Variants in ING2 observed in about 807,000 individuals in gnomAD.
The protein encoded by ING2 is inhibitor of growth protein 2.
A neutral mutation model predicts 30.6 loss-of-function variants in ING2; 7 were observed. The observed-to-expected ratio is 0.23, with a 90% confidence interval of 0.13 to 0.43. The LOEUF is 0.43. Ranked by LOEUF, ING2 falls within the 20% of genes least tolerant of loss-of-function variation. The probability of loss-of-function intolerance (pLI) is 1.00; values close to 1 mark genes in which losing one functional copy is unlikely to be tolerated. For missense variants in ING2, 239 were observed against 334.9 expected, an observed-to-expected ratio of 0.71 and a Z score of 2.24; for synonymous variants, 136 against 121.7, an observed-to-expected ratio of 1.12 and a Z score of -0.78.
At chr4:183,509,750 T>G (rs1439730416) in intron 1 of ING2, among the ~76,000 whole-genome samples, 2 of 147,184 alleles carry the variant, frequency 1.4e-5, no homozygotes, top group Admixed American at 6.8e-5. Context: ...TTTTTTTTTT[T>G]TGAGATGGAG....
intron 1 of ING2, 98 bp from the exon 2 acceptor site, chr4:183,510,184 T>A (rs556738110): frequency 1.7e-5 from 14 of 846,244 alleles, no homozygotes; most frequent in Non-Finnish European, 2.6e-5. Flanking sequence ...GTTTCATGGT[T>A]TGAGTTCTAA....
rs557124267 is a variant in ING2, at chr4:183,512,303, A to C, written c.*1351A>C. Among the ~76,000 whole-genome samples the C allele has an allele frequency of 4.6e-5, 7 of 152,012 alleles. No homozygotes were observed. The highest frequency in any genetic ancestry group is 6.5e-5 in the Admixed American group (1 of 15,270). Reference sequence around the variant, plus strand: ...GTGTGACTTTTAGGCATGTCATTTCACCTTGTCTGGGTGTCAGGTCATTCA... The same window carrying C: ...GTGTGACTTTTAGGCATGTCATTTCCCCTTGTCTGGGTGTCAGGTCATTCA... On this transcript the variant is annotated 3_prime_UTR_variant, in exon 2 of 2. Coordinates refer to ENST00000302327, the MANE Select transcript of ING2 (RefSeq NM_001564.4).
At chr4:183,506,952 A>G (rs1022592871) in intron 1 of ING2, among the ~76,000 whole-genome samples, 35 of 152,352 alleles carry the variant, frequency 2.3e-4, no homozygotes, top group African/African-American at 8.4e-4. Context: ...TTGTTTTCAA[A>G]CAATTTAAGT....
At chr4:183,505,390 CCT>C in intron 1 of ING2, 23 bp downstream of exon 1, 1 of 1,509,146 alleles carries the variant, frequency 6.6e-7, no homozygotes, top group South Asian at 1.2e-5. Flanking sequence ...GGGCTGCCGG[CCT>C]CGGGAGCCGG....
chr4:183,506,019 G>A, intron 1 of ING2: 1 of 937,116 alleles, frequency 1.1e-6, no homozygotes, highest in Non-Finnish European at 1.4e-6. Context: ...GAGGAAGAGA[G>A]GGGCGTGTGT....
At position 183,505,348 on chromosome 4, in the gene ING2, G is replaced by C; in HGVS notation, c.153G>C (p.Glu51Asp). The change falls in exon 1 of 2, where the codon GAG becomes GAC. Residue 51 changes from glutamate to aspartate, a missense_variant. By Grantham distance (45) the Glu-to-Asp change is conservative. This residue lies in a region of ING2 where 80 missense variants were observed against 102.4 expected (regional missense o/e 0.78). Transcript: ENST00000302327. Reference protein sequence around the residue: ...DMQRNVSVLRELDNKYQETLK... With the variant: ...DMQRNVSVLRDLDNKYQETLK... The stretch of plus-strand genomic sequence containing the variant: ...AGAGGAACGTGTCTGTGCTGCGAGA[G>C]CTGGACAACAAATATCAAGGTAGGA... 2 of 1,540,598 alleles carry C rather than the reference G, an allele frequency of 1.3e-6. No individual in the cohort carries two copies. Among genetic ancestry groups the C allele is most frequent in the Non-Finnish European group, 1.8e-6 (2 of 1,142,836 alleles).
At position 183,510,480 on chromosome 4, in the gene ING2, G is replaced by A. The variant is rs1235732904; in HGVS notation, c.371G>A (p.Cys124Tyr). The change falls in exon 2 of 2, where the codon TGT becomes TAT. Residue 124 changes from cysteine to tyrosine, a missense_variant. Physicochemically the swap from Cys to Tyr is radical, Grantham distance 194. Coordinates refer to ENST00000302327, the MANE Select transcript of ING2 (RefSeq NM_001564.4). ...RARQMELHSQ[C>Y]FQDPAESERA... ...AGACAAATGGAGTTACACTCACAGT[G>A]TTTCCAAGATCCTGCTGAAAGTGAA... 1 of 1,614,028 alleles carries A rather than the reference G, an allele frequency of 6.2e-7. No homozygotes were observed. The highest frequency in any genetic ancestry group is 8.5e-7 in the Non-Finnish European group (1 of 1,180,036).
intron 1 of ING2, among the ~76,000 whole-genome samples, chr4:183,506,665 C>T (rs1469471423): frequency 6.6e-6 from 1 of 151,922 alleles, no homozygotes; most frequent in Non-Finnish European, 1.5e-5. Flanking sequence ...GCCAGTAATC[C>T]TATACTTTAA....
chr4:183,506,298 C>G (rs750039089), intron 1 of ING2: 4 of 1,304,246 alleles, frequency 3.1e-6, no homozygotes, highest in Non-Finnish European at 4.0e-6. Flanking sequence ...CAGCTCGGAC[C>G]GTCGCGGATC....
chr4:183,507,143 T>C (rs1310956572), intron 1 of ING2, among the ~76,000 whole-genome samples: 1 of 152,208 alleles, frequency 6.6e-6, no homozygotes, highest in Non-Finnish European at 1.5e-5. Flanking sequence ...CTCTGTCCCC[T>C]AGGCTGGAGT....
chr4:183,510,865 A>T lies in ING2; in HGVS notation c.756A>T (p.Lys252Asn). The stretch of plus-strand genomic sequence containing the variant: ...CACTTACCTATAAACCAAAGGGGAA[A>T]TGGTATTGCCCAAAGTGCAGGGGAG... ...CVSLTYKPKG[K>N]WYCPKCRGDN... The change falls in exon 2 of 2, where the codon AAA becomes AAT. Residue 252 changes from lysine (K) to asparagine (N), a missense_variant. Lys to Asn is a moderately conservative substitution (Grantham distance 94). This residue lies in a region of ING2 where 22 missense variants were observed against 77.0 expected (regional missense o/e 0.29). Transcript: ENST00000302327. The T allele has an allele frequency of 6.2e-7, 1 of 1,614,204 alleles. No homozygotes were observed. Among genetic ancestry groups the T allele is most frequent in the Non-Finnish European group, 8.5e-7 (1 of 1,180,038 alleles).
rs771210792 is a variant in ING2, at chr4:183,505,383, C to G, written c.172+16C>G. 1,363 of 1,513,318 alleles carry G rather than the reference C, an allele frequency of 9.0e-4. 5 individuals carry two copies. The highest frequency in any genetic ancestry group is 2.6e-3 in the Middle Eastern group (11 of 4,306). The allele number at this position is 1,513,318 out of a possible 1,614,324, so 93.7% of individuals were successfully genotyped here. ...AAATATCAAGGTAGGAGCCGCGGGGCTGCCGGCCTCGGGAGCCGGTGGCGG... is the reference window on the plus strand; with the variant it reads ...AAATATCAAGGTAGGAGCCGCGGGGGTGCCGGCCTCGGGAGCCGGTGGCGG... On this transcript the variant is annotated intron_variant, in intron 1 of 1. Coordinates refer to ENST00000302327, the MANE Select transcript of ING2 (RefSeq NM_001564.4).
Position 183,505,260 on chromosome 4 carries a change from G to A in ING2, c.65G>A (p.Arg22Gln), listed in dbSNP as rs1478710688. 4 of 1,592,948 alleles carry A rather than the reference G, an allele frequency of 2.5e-6. No homozygotes were observed. The highest frequency in any genetic ancestry group is 3.4e-6 in the Non-Finnish European group (4 of 1,170,934). Residue 22 changes from arginine to glutamine, a missense_variant, in exon 1 of 2, where the codon CGG (arginine) becomes CAG (glutamine). Physicochemically the swap from Arg to Gln is conservative, Grantham distance 43. Around this residue, in one of 5 missense-constraint regions of ING2, gnomAD observed 80 missense variants for 102.4 expected, o/e 0.78. Transcript: ENST00000302327. The part of the protein sequence containing the change: ...SAALLTGERS[R>Q]LLTCYVQDYL... ...GCGCTCCTGACCGGGGAGCGGAGCC[G>A]GCTGCTCACCTGCTACGTGCAGGAC...
chr4:183,511,831 T>C lies in ING2; in HGVS notation c.*879T>C, dbSNP rs1734827878. 6.6e-6 allele frequency among the ~76,000 whole-genome samples: 1 copy of C among 152,234 alleles called. No homozygotes were observed. Among genetic ancestry groups the C allele is most frequent in the Non-Finnish European group, 1.5e-5 (1 of 68,038 alleles). ...AGGCCTATCAGTGGAAAGGGGCATA[T>C]AGTAGTCTTTAAATATTGCCTTTAT... On this transcript the variant is annotated 3_prime_UTR_variant, in exon 2 of 2. Transcript: ENST00000302327.
At chr4:183,505,798 G>A (rs1734623009) in intron 1 of ING2, among the ~76,000 whole-genome samples, 3 of 152,034 alleles carry the variant, frequency 2.0e-5, no homozygotes, top group South Asian at 4.1e-4. Context: ...CCCCCACCCC[G>A]GAGTGCGGGT....
At chr4:183,506,401 C>T (rs1460069582) in intron 1 of ING2, 1 of 970,590 alleles carries the variant, frequency 1.0e-6, no homozygotes, top group Non-Finnish European at 1.5e-6. Context: ...GTCCCCGAGC[C>T]CCTCCTTCTC....
chr4:183,510,814 T>A lies in ING2; in HGVS notation c.705T>A (p.Ile235=), dbSNP rs1423366876. 6 of 1,614,212 alleles carry A rather than the reference T, an allele frequency of 3.7e-6. No homozygotes were observed. The South Asian group carries it at 4.4e-5, about 12-fold the overall frequency. ...MIGCDNEQCP[I]EWFHFSCVSL... is the part of the protein sequence containing the mutation. ...GATGTGACAATGAACAGTGTCCAAT[T>A]GAATGGTTTCACTTTTCATGTGTTT... The change falls in exon 2 of 2, where the codon ATT becomes ATA. Residue 235 remains isoleucine, a synonymous_variant. Transcript: ENST00000302327.
intron 1 of ING2, among the ~76,000 whole-genome samples, chr4:183,507,621 T>C (rs1328363993): frequency 2.0e-5 from 3 of 152,228 alleles, no homozygotes; most frequent in African/African-American, 7.2e-5. Context: ...TTGTGATTAG[T>C]GATTAAAAAC....
intron 1 of ING2, among the ~76,000 whole-genome samples, chr4:183,509,657 G>A (rs1266536569): frequency 6.0e-5 from 9 of 150,548 alleles, no homozygotes; most frequent in African/African-American, 2.2e-4. Context: ...CCGTGGTCTC[G>A]ATCTCCTGAC....
Sources: gnomAD v4.1 joint callset for allele counts (sites outside exome capture counted in the v4.1 genomes callset) on GRCh38, gnomAD v4.1.1 for gene constraint, gnomAD v4.1.1 regional missense constraint, MANE v1.5 for transcripts, NCBI Gene and HGNC (gene_info 2026-07-23, HGNC 2026-07-21) for gene names.